NIPBL: variants seen among roughly 807,000 people sequenced by gnomAD.
NIPBL encodes NIPBL cohesin loading factor.
In NIPBL, 19 loss-of-function variants were observed where a neutral mutation model predicts 321.8. The observed-to-expected ratio is 0.06, with a 90% CI of 0.04 to 0.09. The LOEUF (loss-of-function observed/expected upper bound fraction) is 0.09, where lower values mean the gene tolerates loss of function less well. NIPBL is among the 10% of genes least tolerant of loss of function. The probability of loss-of-function intolerance (pLI) is 1.00; values close to 1 mark genes in which losing one functional copy is unlikely to be tolerated. For missense variants in NIPBL, 2,210 were observed against 3,327.0 expected (o/e 0.66, Z 8.26); for synonymous variants, 1,106 against 1,114.1 (o/e 0.99, Z 0.14).
At chr5:37,022,469 T>G in intron 29 of NIPBL, 79 bp downstream of exon 29, 1 of 1,279,180 alleles carries the variant, frequency 7.8e-7, no homozygotes, top group Non-Finnish European at 1.1e-6. Context: ...AAGTGTTAAG[T>G]TAGAAAAATA....
At position 37,014,736 on chromosome 5, in the gene NIPBL, C is replaced by G. The variant is rs1190901532; in HGVS notation, c.4614C>G (p.Ala1538=). ...CTTATGAAACAGCTATGCGAACAGC[C>G]CAAAACTTCCTCTCCATCTTCCTTA... ...TNSYETAMRT[A]QNFLSIFLKK... The change falls in exon 22 of 47, where the codon GCC becomes GCG. Residue 1538 remains alanine, a synonymous_variant. Transcript: ENST00000282516. The G allele has an allele frequency of 6.2e-7, 1 of 1,605,988 alleles. No individual in the cohort carries two copies. Among genetic ancestry groups the G allele is most frequent in the East Asian group, 2.2e-5 (1 of 44,720 alleles).
At chr5:36,923,899 A>G (rs1749147616) in intron 1 of NIPBL, among the ~76,000 whole-genome samples, 1 of 152,208 alleles carries the variant, frequency 6.6e-6, no homozygotes, top group Non-Finnish European at 1.5e-5. Context: ...AGCAAGATGC[A>G]CTTTTGAGTG....
chr5:37,009,652 C>G (rs918744600), intron 20 of NIPBL, among the ~76,000 whole-genome samples: 41 of 152,110 alleles, frequency 2.7e-4, no homozygotes, highest in Non-Finnish European at 5.1e-4. Context: ...TTTTTATAAT[C>G]TGTGCTACCA....
At chr5:36,878,169 C>T (rs1429859491) in intron 1 of NIPBL, among the ~76,000 whole-genome samples, 1 of 152,122 alleles carries the variant, frequency 6.6e-6, no homozygotes, top group Non-Finnish European at 1.5e-5. Context: ...ACTTAAAATC[C>T]TTGGGAGGTT....
intron 26 of NIPBL, 25 bp downstream of exon 26, chr5:37,020,698 TACATTTA>T: frequency 6.3e-7 from 1 of 1,598,420 alleles, no homozygotes. Flanking sequence ...GAAAACAGTT[TACATTTA>T]TCTCCTTGAT....
intron 1 of NIPBL, among the ~76,000 whole-genome samples, chr5:36,919,822 A>C (rs1046663431): frequency 8.5e-5 from 13 of 152,186 alleles, no homozygotes; most frequent in Non-Finnish European, 1.8e-4. Context: ...TAGAATTTAA[A>C]TACACAAATA....
chr5:37,045,258 G>A (rs1444472391), intron 36 of NIPBL, among the ~76,000 whole-genome samples, 185 bp from the exon 37 acceptor site: 2 of 152,098 alleles, frequency 1.3e-5, no homozygotes, highest in Non-Finnish European at 2.9e-5. Context: ...GGAAGCTGAG[G>A]CAGGAGAATC....
chr5:36,914,586 G>A (rs1748312696), intron 1 of NIPBL, among the ~76,000 whole-genome samples: 1 of 152,162 alleles, frequency 6.6e-6, no homozygotes, highest in Admixed American at 6.5e-5. Flanking sequence ...AAACATAAAT[G>A]AATTTTGTGT....
chr5:36,984,855 C>G lies in NIPBL; in HGVS notation c.1675C>G (p.Gln559Glu). Residue 559 changes from glutamine to glutamate, a missense_variant, in exon 10 of 47, where the codon CAG becomes GAG. Gln to Glu is a conservative substitution (Grantham distance 29). Transcript: ENST00000282516. ...GRVDSQASIT[Q>E]DSDSIKKPEE... The stretch of plus-strand genomic sequence containing the variant: ...AGTGGACTCTCAGGCTTCTATAACT[C>G]AGGATTCAGACTCCATAAAAAAGCC... 9.3e-6 allele frequency: 15 copies of G among 1,613,768 alleles called. No individual in the cohort carries two copies. Among genetic ancestry groups the G allele is most frequent in the Non-Finnish European group, 1.2e-5 (14 of 1,179,850 alleles).
At chr5:36,893,515 T>G (rs141513545) in intron 1 of NIPBL, among the ~76,000 whole-genome samples, 1 of 152,236 alleles carries the variant, frequency 6.6e-6, no homozygotes, top group East Asian at 1.9e-4. Flanking sequence ...ACTTTAATCC[T>G]TTTTTGGAGA....
intron 40 of NIPBL, among the ~76,000 whole-genome samples, chr5:37,049,902 A>G (rs894789357): frequency 6.6e-6 from 1 of 152,194 alleles, no homozygotes; most frequent in Non-Finnish European, 1.5e-5. Context: ...AGCAGAGTCT[A>G]TACCCTTCAA....
chr5:37,016,312 A>G (rs1748985499), intron 23 of NIPBL, 142 bp downstream of exon 23: 1 of 892,184 alleles, frequency 1.1e-6, no homozygotes, highest in Non-Finnish European at 1.8e-6. Flanking sequence ...GCATAACTGT[A>G]CACAATATTG....
intron 1 of NIPBL, among the ~76,000 whole-genome samples, chr5:36,904,012 C>A (rs1237215731): frequency 1.3e-5 from 2 of 151,972 alleles, no homozygotes; most frequent in African/African-American, 4.8e-5. Flanking sequence ...AGAGTGTAAG[C>A]CAGAATTATA....
Position 36,953,543 on chromosome 5 carries a change from A to T in NIPBL, c.-79-75A>T. 7 of 680,456 alleles carry T rather than the reference A, an allele frequency of 1.0e-5. No individual in the cohort carries two copies. In the Admixed American group the frequency reaches 1.3e-4, roughly 12 times the overall value. 42.2% of individuals were successfully genotyped at this position (680,456 alleles called of 1,614,324 possible). On this transcript the variant is annotated intron_variant, in intron 1 of 46. Transcript: ENST00000282516. ...AACCAAAGCAGTAACTTTTTTTTATAGTGATTAAGCATTTTCCTGATAGTA... is the reference window on the plus strand; with the variant it reads ...AACCAAAGCAGTAACTTTTTTTTATTGTGATTAAGCATTTTCCTGATAGTA...
chr5:37,000,892 A>T lies in NIPBL; in HGVS notation c.3574+4A>T. 1 of 1,609,208 alleles carries T rather than the reference A, an allele frequency of 6.2e-7. No individual in the cohort carries two copies. Among genetic ancestry groups the T allele is most frequent in the Non-Finnish European group, 8.5e-7 (1 of 1,175,926 alleles). On this transcript the variant is annotated splice_donor_region_variant and intron_variant, in intron 13 of 46. Coordinates refer to ENST00000282516, the MANE Select transcript of NIPBL (RefSeq NM_133433.4). ...GAACCAAAACTAACACCTGAAGGTA[A>T]CACGTTAGTTTATTTAATTTGTCTT...
At chr5:36,921,244 A>G (rs889988936) in intron 1 of NIPBL, among the ~76,000 whole-genome samples, 1 of 152,124 alleles carries the variant, frequency 6.6e-6, no homozygotes, top group East Asian at 1.9e-4. Flanking sequence ...CCATGAGTAC[A>G]TATTGATTCT....
intron 14 of NIPBL, among the ~76,000 whole-genome samples, chr5:37,002,226 G>A (rs1746894692): frequency 6.6e-6 from 1 of 152,112 alleles, no homozygotes; most frequent in Non-Finnish European, 1.5e-5. Flanking sequence ...TTGGTCAGGG[G>A]ACAGAGCCAG....
intron 27 of NIPBL, 80 bp downstream of exon 27, chr5:37,020,957 T>A: frequency 1.0e-6 from 1 of 980,072 alleles, no homozygotes; most frequent in Non-Finnish European, 1.6e-6. Context: ...ATAATATCAT[T>A]CATTGTTGAG....
intron 10 of NIPBL, among the ~76,000 whole-genome samples, chr5:36,989,206 C>G (rs190328315): frequency 6.6e-6 from 1 of 152,276 alleles, no homozygotes; most frequent in Non-Finnish European, 1.5e-5. Context: ...TTCACCCTGT[C>G]AACTACCTAG....
Sources: gnomAD v4.1 joint callset for allele counts (sites outside exome capture counted in the v4.1 genomes callset) on GRCh38, gnomAD v4.1.1 for gene constraint, MANE v1.5 for transcripts, NCBI Gene and HGNC (gene_info 2026-07-23, HGNC 2026-07-21) for gene names.